TENT2: variants seen among roughly 807,000 people sequenced by gnomAD.
TENT2 encodes terminal nucleotidyltransferase 2, also known as poly(A) RNA polymerase GLD2.
Under a neutral mutation model 72.2 loss-of-function variants are expected in TENT2, and 44 were observed. That is an observed-to-expected ratio of 0.61 (90% CI 0.48 to 0.78). The LOEUF is 0.78. Ranked by LOEUF, TENT2 falls within the 30% of genes least tolerant of loss-of-function variation. The pLI, the probability that TENT2 is intolerant of heterozygous loss-of-function variation, is 0.00. For missense variants in TENT2, 541 were observed against 569.6 expected (o/e 0.95, Z 0.51); for synonymous variants, 212 against 192.5 (o/e 1.10, Z -0.84).
At position 79,623,129 on chromosome 5, in the gene TENT2, G is replaced by A. The variant is rs1195271200; in HGVS notation, c.228-123G>A. 6 of 660,754 alleles carry A rather than the reference G, an allele frequency of 9.1e-6. No homozygotes were observed. The Admixed American group carries it at 1.0e-4, about 11-fold the overall frequency. 40.9% of individuals were successfully genotyped at this position (660,754 alleles called of 1,614,324 possible). ...TTAAGATCCATATAAAGCTAATAAA[G>A]TGACCTTATTGAAAGAATCATATTG... On this transcript the variant is annotated intron_variant, in intron 3 of 14. Transcript: ENST00000453514.
rs769270213 is a variant in TENT2, at chr5:79,640,915, AAG to A, written c.532_533del (p.Glu178ThrfsTer35). The stretch of plus-strand genomic sequence containing the variant: ...CAGCAAATAAGTGATTTAAAGAAGA[AAG>A]AACTCTGTCGAACACAGCTGCAGAG... On this transcript the variant is annotated frameshift_variant, in exon 5 of 15. Coordinates refer to ENST00000453514, the MANE Select transcript of TENT2 (RefSeq NM_001114394.3). LOFTEE classifies it high-confidence loss of function. The A allele has an allele frequency of 1.2e-6, 2 of 1,612,748 alleles. No homozygotes were observed. Among genetic ancestry groups the A allele is most frequent in the East Asian group, 2.2e-5 (1 of 44,776 alleles).
chr5:79,662,341 T>A (rs961338014), intron 11 of TENT2, among the ~76,000 whole-genome samples: 1 of 152,234 alleles, frequency 6.6e-6, no homozygotes, highest in Non-Finnish European at 1.5e-5. Context: ...GTTGATATTT[T>A]GACCTCCCAT....
rs772430600 is a variant in TENT2 at position 79,685,991 on chromosome 5, T to A, written c.*718T>A. 4 of 152,624 alleles carry A rather than the reference T, an allele frequency of 2.6e-5. No individual in the cohort carries two copies. Among genetic ancestry groups the A allele is most frequent in the Non-Finnish European group, 4.4e-5 (3 of 68,030 alleles). 9.5% of individuals were successfully genotyped at this position (152,624 alleles called of 1,614,324 possible). A position where few individuals can be genotyped will look rare whatever the true frequency, so the allele number is the denominator to read the frequency against. On this transcript the variant is annotated 3_prime_UTR_variant, in exon 15 of 15. Transcript: ENST00000453514. ...ACAGTTAGTGAATCGTTTTAAAGAATCAGTTCAGTGTAGACATTTTGAAAA... is the reference window on the plus strand; with the variant it reads ...ACAGTTAGTGAATCGTTTTAAAGAAACAGTTCAGTGTAGACATTTTGAAAA...
rs2151045570 is a variant in TENT2, at chr5:79,685,808, G to C, written c.*535G>C. On this transcript the variant is annotated 3_prime_UTR_variant, in exon 15 of 15. Coordinates refer to ENST00000453514, the MANE Select transcript of TENT2 (RefSeq NM_001114394.3). ...TACTGAACAATTGCCTTAAGTCTTT[G>C]CTTGACTCACTGGGATAGACTGAGG... 1 of 153,424 alleles carries C rather than the reference G, an allele frequency of 6.5e-6. No individual in the cohort carries two copies. The highest frequency in any genetic ancestry group is 2.1e-4 in the South Asian group (1 of 4,840). 9.5% of individuals were successfully genotyped at this position (153,424 alleles called of 1,614,324 possible). A position where few individuals can be genotyped will look rare whatever the true frequency, so the allele number is the denominator to read the frequency against.
At chr5:79,665,475 T>C (rs1379091500) in intron 11 of TENT2, among the ~76,000 whole-genome samples, 1 of 152,206 alleles carries the variant, frequency 6.6e-6, no homozygotes, top group African/African-American at 2.4e-5. Flanking sequence ...AAAAGGTATT[T>C]TTGCCATTAT....
chr5:79,637,075 G>A (rs1780706739), intron 4 of TENT2, among the ~76,000 whole-genome samples: 1 of 151,164 alleles, frequency 6.6e-6, no homozygotes, highest in South Asian at 2.1e-4. Flanking sequence ...TATCTCTCAA[G>A]AAAAAAAAAT....
chr5:79,612,839 T>G lies in TENT2; in HGVS notation c.-274T>G, dbSNP rs1756255136. 6.6e-6 allele frequency: 1 copy of G among 152,334 alleles called. No individual in the cohort carries two copies. Among genetic ancestry groups the G allele is most frequent in the Non-Finnish European group, 1.5e-5 (1 of 68,188 alleles). The allele number at this position is 152,334 out of a possible 1,614,324, so 9.4% of individuals were successfully genotyped here. ...AGGTCGGCGGCGGGGCACGGGAAACTTTTCCGAAACGGTAGCGTTTTGTTT... is the reference window on the plus strand; with the variant it reads ...AGGTCGGCGGCGGGGCACGGGAAACGTTTCCGAAACGGTAGCGTTTTGTTT... On this transcript the variant is annotated 5_prime_UTR_variant, in exon 1 of 15. Transcript: ENST00000453514.
At chr5:79,618,741 G>A (rs1762439192) in intron 1 of TENT2, among the ~76,000 whole-genome samples, 1 of 152,136 alleles carries the variant, frequency 6.6e-6, no homozygotes, top group Non-Finnish European at 1.5e-5. Context: ...GGTAGGGCCT[G>A]TCAACTAGTT....
At chr5:79,682,316 G>T (rs1822602728) in intron 14 of TENT2, among the ~76,000 whole-genome samples, 1 of 152,020 alleles carries the variant, frequency 6.6e-6, no homozygotes, top group Non-Finnish European at 1.5e-5. Context: ...TTTCACTCTT[G>T]TTGCCCAGGC....
At chr5:79,623,104 T>C in intron 3 of TENT2, 148 bp from the exon 4 acceptor site, 1 of 535,212 alleles carries the variant, frequency 1.9e-6, no homozygotes, top group Non-Finnish European at 3.1e-6. Context: ...ATGAATATTT[T>C]TAAGATCCAT....
At chr5:79,647,156 A>G (rs954462535) in intron 8 of TENT2, among the ~76,000 whole-genome samples, 1 of 152,176 alleles carries the variant, frequency 6.6e-6, no homozygotes, top group East Asian at 1.9e-4. Context: ...TAATGGCTTT[A>G]TAGTATTTCA....
At chr5:79,641,268 T>C (rs986225226) in intron 6 of TENT2, 72 bp downstream of exon 6, 19 of 1,332,670 alleles carry the variant, frequency 1.4e-5, no homozygotes, top group Non-Finnish European at 1.8e-5. Context: ...ATAAAAGTCA[T>C]TGAGGGAAAA....
At chr5:79,685,095 A>AT (rs1233825504) in intron 14 of TENT2, 104 bp from the exon 15 acceptor site, 1 of 913,332 alleles carries the variant, frequency 1.1e-6, no homozygotes, top group African/African-American at 1.7e-5. Flanking sequence ...ATTATTCAAA[A>AT]TTTATCACCT....
chr5:79,633,526 C>T (rs547142189), intron 4 of TENT2, among the ~76,000 whole-genome samples: 7 of 147,614 alleles, frequency 4.7e-5, no homozygotes, highest in Admixed American at 2.7e-4. Context: ...CTGCAATCTC[C>T]GTCTCCTGGG....
intron 8 of TENT2, among the ~76,000 whole-genome samples, chr5:79,647,599 G>A (rs890173091): frequency 6.6e-5 from 10 of 151,970 alleles, no homozygotes; most frequent in Non-Finnish European, 1.3e-4. Flanking sequence ...ATTTTCTTTT[G>A]TTCCACCAAA....
In TENT2 at chr5:79,620,011, C is replaced by A; in HGVS notation, c.155C>A (p.Ser52Ter). Reference protein sequence around the residue: ...FQNADLSRAVSLQQLTYGNVS... With the variant: ...FQNADLSRAV Reference sequence around the variant, plus strand: ...TTTGTTAGCTTGTCTAGAGCTGTGTCATTACAGCAGCTGACATATGGAAAT... The same window carrying A: ...TTTGTTAGCTTGTCTAGAGCTGTGTAATTACAGCAGCTGACATATGGAAAT... Residue 52 changes from serine (S) to a stop codon, truncating the protein, a stop_gained, in exon 3 of 15, where the codon TCA (serine) becomes TAA (stop). Transcript: ENST00000453514. LOFTEE classifies it high-confidence loss of function. 1 of 1,609,502 alleles carries A rather than the reference C, an allele frequency of 6.2e-7. No homozygotes were observed. Among genetic ancestry groups the A allele is most frequent in the South Asian group, 1.1e-5 (1 of 90,294 alleles).
At position 79,619,979 on chromosome 5, in the gene TENT2, C is replaced by A. The variant is rs377120663; in HGVS notation, c.138-15C>A. 1.3e-6 allele frequency: 2 copies of A among 1,568,888 alleles called. No individual in the cohort carries two copies. The highest frequency in any genetic ancestry group is 1.7e-6 in the Non-Finnish European group (2 of 1,156,192). ...AATATGTATAAATTACTGTTCTTTT[C>A]TTTGATTTTGTTAGCTTGTCTAGAG... On this transcript the variant is annotated splice_polypyrimidine_tract_variant and intron_variant, in intron 2 of 14. Coordinates refer to ENST00000453514, the MANE Select transcript of TENT2 (RefSeq NM_001114394.3).
chr5:79,661,791 C>T (rs191507548), intron 11 of TENT2, among the ~76,000 whole-genome samples: 17 of 152,222 alleles, frequency 1.1e-4, no homozygotes, highest in Middle Eastern at 3.4e-3. Flanking sequence ...AATAAGACAA[C>T]GGTAAAGTTT....
At chr5:79,667,782 G>A (rs1809518785) in intron 11 of TENT2, among the ~76,000 whole-genome samples, 1 of 151,992 alleles carries the variant, frequency 6.6e-6, no homozygotes, top group Non-Finnish European at 1.5e-5. Flanking sequence ...GATGCACTAT[G>A]CAATTTCTCT....
Sources: allele counts gnomAD v4.1 joint callset (sites outside exome capture counted in the v4.1 genomes callset), GRCh38; gene constraint gnomAD v4.1.1; transcripts MANE v1.5; gene names NCBI Gene and HGNC (gene_info 2026-07-23, HGNC 2026-07-21).